CERS5: variants seen among roughly 807,000 people sequenced by gnomAD.
CERS5 encodes ceramide synthase 5, also known as LAG1 homolog, ceramide synthase 5.
In CERS5, 37 loss-of-function variants were observed where a neutral mutation model predicts 58.9. That is an observed-to-expected ratio of 0.63 (90% CI 0.48 to 0.83). CERS5 has a LOEUF of 0.83. Among genes scored for constraint, CERS5 ranks in the 40% least tolerant of loss-of-function variants. The pLI is 0.00. For synonymous variants in CERS5, 147 were observed against 177.8 expected, an observed-to-expected ratio of 0.83 and a Z score of 1.38; for missense variants, 398 against 489.3, an observed-to-expected ratio of 0.81 and a Z score of 1.76.
intron 1 of CERS5, among the ~76,000 whole-genome samples, chr12:50,150,266 C>A (rs1937810597): frequency 6.6e-6 from 1 of 152,168 alleles, no homozygotes; most frequent in African/African-American, 2.4e-5. Flanking sequence ...GAGGCTGAGG[C>A]AGGAGGACTG....
At chr12:50,145,871 T>C (rs990319460) in intron 1 of CERS5, among the ~76,000 whole-genome samples, 1 of 152,212 alleles carries the variant, frequency 6.6e-6, no homozygotes, top group Non-Finnish European at 1.5e-5. Context: ...CATGTTTTAG[T>C]GAAACCCACT....
intron 1 of CERS5, among the ~76,000 whole-genome samples, chr12:50,157,625 C>T (rs1938803249): frequency 6.6e-6 from 1 of 151,938 alleles, no homozygotes; most frequent in Non-Finnish European, 1.5e-5. Flanking sequence ...TGTGACCTGA[C>T]AAACATTTCT....
chr12:50,166,215 C>T (rs1051856319), intron 1 of CERS5: 2 of 188,920 alleles, frequency 1.1e-5, no homozygotes, highest in East Asian at 1.8e-4. Flanking sequence ...TCCAGCTACT[C>T]GGGAGGCTGA....
intron 8 of CERS5, 151 bp from the exon 9 acceptor site, chr12:50,134,853 TAAAG>T (rs1277107915): frequency 1.7e-5 from 11 of 652,734 alleles, no homozygotes; most frequent in East Asian, 5.4e-5. Flanking sequence ...AGTAAGAAAA[TAAAG>T]AAAGGGAGGA....
chr12:50,137,189 T>G (rs910042320), intron 6 of CERS5, among the ~76,000 whole-genome samples: 4 of 152,184 alleles, frequency 2.6e-5, no homozygotes, highest in African/African-American at 9.7e-5. Context: ...TTAAGTTGTG[T>G]AAAACTTAAG....
intron 6 of CERS5, among the ~76,000 whole-genome samples, 179 bp from the exon 7 acceptor site, chr12:50,136,248 G>C (rs1429231074): frequency 6.6e-6 from 1 of 152,104 alleles, no homozygotes; most frequent in African/African-American, 2.4e-5. Flanking sequence ...CAAGGTGGTC[G>C]GATCACCTGA....
intron 1 of CERS5, among the ~76,000 whole-genome samples, chr12:50,151,108 GC>G (rs907703010): frequency 1.2e-4 from 18 of 151,868 alleles, no homozygotes; most frequent in African/African-American, 4.1e-4. Context: ...TCTTAAAACA[GC>G]CCTCCCGGTC....
chr12:50,131,336 G>C (rs1414271832), intron 9 of CERS5, among the ~76,000 whole-genome samples: 2 of 152,022 alleles, frequency 1.3e-5, no homozygotes, highest in African/African-American at 4.8e-5. Flanking sequence ...CGAGGCAGGC[G>C]GATCACAAGG....
chr12:50,151,386 A>G (rs1937939583), intron 1 of CERS5, among the ~76,000 whole-genome samples: 1 of 152,162 alleles, frequency 6.6e-6, no homozygotes, highest in African/African-American at 2.4e-5. Context: ...TGCACCAACC[A>G]AATACATTAA....
At chr12:50,164,357 C>T (rs55684927) in intron 1 of CERS5, among the ~76,000 whole-genome samples, 6,827 of 151,410 alleles carry the variant, frequency 0.045, 213 homozygotes, top group Non-Finnish European at 0.063. Context: ...ATTGCTTGAG[C>T]CAAAGAGGTC....
rs200836439 is a variant in CERS5, at chr12:50,162,595, ATC to A, written c.197+4504_197+4505del. 1.2e-3 allele frequency among the ~76,000 whole-genome samples: 180 copies of A among 150,452 alleles called. 4 individuals are homozygous for A. The East Asian group carries it at 0.015, about 13-fold the overall frequency. ...ACTAATTGTCCCAATATACCTCTTT[ATC>A]TCTCTCTCTCTCTTTTTTTTTTTTG... On this transcript the variant is annotated intron_variant, in intron 1 of 9. Coordinates refer to ENST00000317551, the MANE Select transcript of CERS5 (RefSeq NM_147190.5).
intron 9 of CERS5, chr12:50,134,169 C>A: frequency 3.5e-6 from 1 of 284,938 alleles, no homozygotes; most frequent in Non-Finnish European, 6.8e-6. Context: ...CTGCTTGAGG[C>A]CAGTAGTTGG....
Position 50,156,420 on chromosome 12 carries a change from C to CTATATATATATATATATATATA in CERS5, c.197+10680_197+10681insTATATATATATATATATATATA, listed in dbSNP as rs55762917. Among the ~76,000 whole-genome samples, 395 of 77,266 alleles carry CTATATATATATATATATATATA rather than the reference C, an allele frequency of 5.1e-3. 18 individuals carry two copies. The highest frequency in any genetic ancestry group is 0.016 in the Middle Eastern group (2 of 128). The allele number at this position is 77,266 out of a possible 152,430, so 50.7% of individuals were successfully genotyped here. ...CTCTGTCTCAAAACAAACAAACAAACTATATATATATATATATAAAACAAT... is the reference window on the plus strand; with the variant it reads ...CTCTGTCTCAAAACAAACAAACAAACTATATATATATATATATATATATATATATATATATATATAAAACAAT... On this transcript the variant is annotated intron_variant, in intron 1 of 9. Transcript: ENST00000317551.
intron 8 of CERS5, chr12:50,135,311 GTGTGTGTGT>G (rs1951627640): frequency 1.2e-4 from 3 of 25,582 alleles, no homozygotes; most frequent in African/African-American, 5.3e-4. Flanking sequence ...AGAGAGGAGT[GTGTGTGTGT>G]GTGTGTGTGT....
intron 1 of CERS5, among the ~76,000 whole-genome samples, chr12:50,160,219 C>T (rs1392784610): frequency 6.0e-5 from 9 of 149,968 alleles, no homozygotes; most frequent in African/African-American, 1.5e-4. Flanking sequence ...GCAGGAGAAT[C>T]GCTTGAACCC....
At chr12:50,142,643 C>T (rs563595078) in intron 3 of CERS5, among the ~76,000 whole-genome samples, 1 of 151,328 alleles carries the variant, frequency 6.6e-6, no homozygotes, top group South Asian at 2.1e-4. Context: ...CTTTACATGA[C>T]AATTACTAAT....
chr12:50,135,779 G>A lies in CERS5; in HGVS notation c.825C>T (p.Ile275=). 1 of 1,613,944 alleles carries A rather than the reference G, an allele frequency of 6.2e-7. No individual in the cohort carries two copies. Among genetic ancestry groups the A allele is most frequent in the Non-Finnish European group, 8.5e-7 (1 of 1,179,958 alleles). ...YQRLCDTLFV[I]FSAVFMVTRL... ...GTGTAACCATAAAAACAGCACTGAA[G>A]ATCACAAAAAGGGTGTCACAGAGCC... The change falls in exon 8 of 10, where the codon ATC becomes ATT. Residue 275 remains isoleucine, a synonymous_variant. Coordinates refer to ENST00000317551, the MANE Select transcript of CERS5 (RefSeq NM_147190.5).
chr12:50,148,969 T>TGTGTGTGC (rs1278516191), intron 1 of CERS5, among the ~76,000 whole-genome samples: 1 of 140,064 alleles, frequency 7.1e-6, no homozygotes, highest in African/African-American at 2.7e-5. Context: ...TGTGTGTGTG[T>TGTGTGTGC]GCGTGTAGAC....
At chr12:50,137,651 A>C in intron 6 of CERS5, 77 bp downstream of exon 6, 1 of 792,180 alleles carries the variant, frequency 1.3e-6, no homozygotes, top group Non-Finnish European at 2.2e-6. Flanking sequence ...AAGATAATAC[A>C]TCGTAATGGC....
Sources: allele counts gnomAD v4.1 joint callset (sites outside exome capture counted in the v4.1 genomes callset), GRCh38; gene constraint gnomAD v4.1.1; transcripts MANE v1.5; gene names NCBI Gene and HGNC (gene_info 2026-07-23, HGNC 2026-07-21).